Variants in CCDC122 observed in about 807,000 individuals in gnomAD.
The protein encoded by CCDC122 is coiled-coil domain-containing protein 122.
CCDC122 carries 38 observed loss-of-function variants against 37.0 expected under a neutral mutation model. That is an observed-to-expected ratio of 1.03 (90% confidence interval 0.79 to 1.35). The LOEUF is 1.35. Among genes scored for constraint, CCDC122 ranks in the 40% most tolerant of loss-of-function variants. The pLI, the probability that CCDC122 is intolerant of heterozygous loss-of-function variation, is 0.00. For synonymous variants in CCDC122, 83 were observed against 95.6 expected (o/e 0.87, Z 0.77); for missense variants, 305 against 310.0 (o/e 0.98, Z 0.12).
At chr13:43,853,963 G>A (rs1953826375) in intron 6 of CCDC122, 1 of 152,090 alleles carries the variant, frequency 6.6e-6, no homozygotes, top group South Asian at 2.1e-4. Context: ...AAAGATACCA[G>A]AATCTCTGGG....
intron 2 of CCDC122, among the ~76,000 whole-genome samples, chr13:43,870,206 T>C (rs184488274): frequency 6.6e-6 from 1 of 152,248 alleles, no homozygotes; most frequent in African/African-American, 2.4e-5. Context: ...CCTGAGAGCT[T>C]ACCTAGCAGA....
At chr13:43,854,000 G>T (rs1371589177) in intron 6 of CCDC122, 1 of 152,112 alleles carries the variant, frequency 6.6e-6, no homozygotes, top group African/African-American at 2.4e-5. Context: ...TGTTAAGAGG[G>T]AAATTTATAG....
chr13:43,822,115 G>C (rs894413920), downstream of CCDC122, among the ~76,000 whole-genome samples: 9 of 152,160 alleles, frequency 5.9e-5, no homozygotes, highest in African/African-American at 2.2e-4. Context: ...GTCTGGGCTG[G>C]TTTGTGCCCC....
chr13:43,862,529 T>C (rs938987201), intron 4 of CCDC122, among the ~76,000 whole-genome samples: 4 of 152,168 alleles, frequency 2.6e-5, no homozygotes, highest in African/African-American at 7.2e-5. Context: ...CTTTGAATTA[T>C]CTTTATTTTG....
chr13:43,850,347 C>A (rs1314380922), intron 6 of CCDC122, among the ~76,000 whole-genome samples: 2 of 152,228 alleles, frequency 1.3e-5, no homozygotes, highest in East Asian at 3.9e-4. Flanking sequence ...ATGCACCACA[C>A]GAACATAACA....
At chr13:43,841,016 C>A (rs1026562403) in intron 6 of CCDC122, among the ~76,000 whole-genome samples, 2 of 152,200 alleles carry the variant, frequency 1.3e-5, no homozygotes, top group Non-Finnish European at 2.9e-5. Context: ...TAAAAGTGTT[C>A]CTATTTCTCC....
intron 1 of CCDC122, among the ~76,000 whole-genome samples, chr13:43,876,784 G>A (rs1954624089): frequency 6.6e-6 from 1 of 152,124 alleles, no homozygotes; most frequent in African/African-American, 2.4e-5. Flanking sequence ...TTAATATTTT[G>A]GAAAGACCCA....
chr13:43,873,406 T>C (rs766609440), intron 2 of CCDC122, among the ~76,000 whole-genome samples: 11 of 152,288 alleles, frequency 7.2e-5, no homozygotes, highest in Non-Finnish European at 1.6e-4. Context: ...TGCACCTTCA[T>C]AGTCTTCTCT....
chr13:43,839,827 T>A lies in CCDC122; in HGVS notation c.673-2398A>T, dbSNP rs190541285. 2.9e-4 allele frequency among the ~76,000 whole-genome samples: 44 copies of A among 152,334 alleles called. No individual in the cohort carries two copies. In the East Asian group the frequency reaches 8.5e-3, roughly 29 times the overall value. ...AGAAAAACTTCAGCCAAATTAAATT[T>A]AAAGAGTTTAATTGAGCAATGAATG... On this transcript the variant is annotated intron_variant, in intron 6 of 6. Coordinates refer to ENST00000444614, the MANE Select transcript of CCDC122 (RefSeq NM_144974.5).
intron 6 of CCDC122, among the ~76,000 whole-genome samples, chr13:43,850,533 GT>G (rs1214819057): frequency 6.6e-6 from 1 of 152,196 alleles, no homozygotes; most frequent in African/African-American, 2.4e-5. Context: ...AATAACCAAA[GT>G]GAAGAGTTCA....
intron 6 of CCDC122, among the ~76,000 whole-genome samples, chr13:43,851,114 A>T (rs1953714053): frequency 6.6e-6 from 1 of 152,218 alleles, no homozygotes. Flanking sequence ...GCCTTTAGGA[A>T]TGAAGGAGAA....
chr13:43,839,108 G>GA (rs1376822504), intron 6 of CCDC122, among the ~76,000 whole-genome samples: 1 of 152,198 alleles, frequency 6.6e-6, no homozygotes, highest in Admixed American at 6.5e-5. Context: ...GGCGGGTATG[G>GA]AAAAAATGTA....
chr13:43,862,191 T>A (rs973635669), intron 4 of CCDC122, among the ~76,000 whole-genome samples: 11 of 152,218 alleles, frequency 7.2e-5, no homozygotes, highest in Non-Finnish European at 2.9e-5. Flanking sequence ...CTGAAAGTGT[T>A]TTATAAGCCA....
At chr13:43,868,557 C>A in intron 4 of CCDC122, 137 bp downstream of exon 4, 1 of 466,378 alleles carries the variant, frequency 2.1e-6, no homozygotes, top group South Asian at 5.2e-5. Context: ...CCATGTAAAC[C>A]TTACTTAGGG....
downstream of CCDC122, among the ~76,000 whole-genome samples, chr13:43,831,613 A>G (rs769935086): frequency 6.6e-6 from 1 of 152,214 alleles, no homozygotes; most frequent in Non-Finnish European, 1.5e-5. Context: ...CTGGCAGTAT[A>G]TTGTCAATGC....
intron 4 of CCDC122, among the ~76,000 whole-genome samples, chr13:43,868,218 T>C (rs1228315540): frequency 6.6e-6 from 1 of 152,142 alleles, no homozygotes; most frequent in Non-Finnish European, 1.5e-5. Flanking sequence ...AGTATAGTTA[T>C]ATCTAATTAC....
downstream of CCDC122, among the ~76,000 whole-genome samples, chr13:43,821,772 C>T (rs1405589212): frequency 1.3e-5 from 2 of 152,164 alleles, no homozygotes; most frequent in Non-Finnish European, 2.9e-5. Context: ...TATTAAGAGG[C>T]TCTGATGCAT....
At chr13:43,858,954 C>T in intron 5 of CCDC122, 57 bp from the exon 6 acceptor site, 1 of 1,264,790 alleles carries the variant, frequency 7.9e-7, no homozygotes, top group South Asian at 1.6e-5. Flanking sequence ...CAATATAAAT[C>T]CAATTTTTCA....
chr13:43,847,211 T>C (rs1420028998), intron 6 of CCDC122, among the ~76,000 whole-genome samples: 2 of 152,210 alleles, frequency 1.3e-5, no homozygotes, highest in Non-Finnish European at 2.9e-5. Flanking sequence ...GTTGAATAAG[T>C]AAATTAGTTG....
Sources: allele counts gnomAD v4.1 joint callset (sites outside exome capture counted in the v4.1 genomes callset), GRCh38; gene constraint gnomAD v4.1.1; transcripts MANE v1.5; gene names NCBI Gene and HGNC (gene_info 2026-07-23, HGNC 2026-07-21).